The following GRID2 variants were observed in gnomAD, a reference collection of about 807,000 sequenced individuals.
GRID2 encodes the protein glutamate receptor ionotropic, delta-2.
In GRID2, 33 loss-of-function variants were observed where a neutral mutation model predicts 114.8. The observed-to-expected ratio is 0.29, with a 90% CI of 0.22 to 0.38. The LOEUF is 0.38. Ranked by LOEUF, GRID2 falls within the 10% of genes least tolerant of loss-of-function variation. GRID2 has a pLI of 1.00. For missense variants in GRID2, 1,184 were observed against 1,257.7 expected (o/e 0.94, Z 0.89); for synonymous variants, 505 against 449.9 (o/e 1.12, Z -1.55).
intron 2 of GRID2, among the ~76,000 whole-genome samples, chr4:92,817,051 C>G (rs769593558): frequency 1.3e-5 from 2 of 152,116 alleles, no homozygotes; most frequent in African/African-American, 2.4e-5. Context: ...ATGACCTTCA[C>G]CTAGTTACAC....
chr4:92,502,740 C>G (rs929124901), intron 1 of GRID2, among the ~76,000 whole-genome samples: 1 of 102,226 alleles, frequency 9.8e-6, no homozygotes, highest in Non-Finnish European at 1.8e-5. Flanking sequence ...TTTTCCTATA[C>G]GAAGTCTTGC....
intron 2 of GRID2, among the ~76,000 whole-genome samples, chr4:92,879,641 A>G (rs1745864827): frequency 6.6e-6 from 1 of 152,246 alleles, no homozygotes; most frequent in African/African-American, 2.4e-5. Flanking sequence ...CTTACTATTT[A>G]AAACAAAGAG....
intron 2 of GRID2, among the ~76,000 whole-genome samples, chr4:92,633,366 C>G (rs1730904663): frequency 6.6e-6 from 1 of 151,986 alleles, no homozygotes; most frequent in Admixed American, 6.6e-5. Flanking sequence ...TCTAAAAGAG[C>G]AAATGGTGCA....
intron 2 of GRID2, among the ~76,000 whole-genome samples, chr4:93,029,539 C>T (rs553971958): frequency 6.6e-6 from 1 of 152,048 alleles, no homozygotes; most frequent in Admixed American, 6.6e-5. Context: ...TCCTCTGTAG[C>T]TATAAATGAT....
intron 1 of GRID2, among the ~76,000 whole-genome samples, chr4:92,401,322 G>A (rs935982222): frequency 5.9e-5 from 9 of 152,082 alleles, no homozygotes; most frequent in Non-Finnish European, 1.2e-4. Flanking sequence ...TGTTTATATA[G>A]TAATTTCAAC....
intron 8 of GRID2, 131 bp downstream of exon 8, chr4:93,238,621 G>T (rs1747096744): frequency 3.4e-6 from 2 of 583,382 alleles, no homozygotes; most frequent in Non-Finnish European, 5.7e-6. Flanking sequence ...AGGGGGTGAG[G>T]GGAAATTAGG....
intron 2 of GRID2, among the ~76,000 whole-genome samples, chr4:93,007,652 T>G (rs2149225933): frequency 6.6e-6 from 1 of 152,236 alleles, no homozygotes; most frequent in Admixed American, 6.6e-5. Flanking sequence ...ATATATTTAA[T>G]CGTAGATCCC....
At chr4:92,400,956 A>G (rs1209373468) in intron 1 of GRID2, among the ~76,000 whole-genome samples, 2 of 152,134 alleles carry the variant, frequency 1.3e-5, no homozygotes, top group Non-Finnish European at 2.9e-5. Context: ...TTTATCGTTA[A>G]CATGTAAGAG....
intron 4 of GRID2, among the ~76,000 whole-genome samples, chr4:93,201,735 G>A (rs1410278468): frequency 3.3e-5 from 5 of 152,168 alleles, no homozygotes; most frequent in African/African-American, 1.2e-4. Flanking sequence ...ACAAGCTCGG[G>A]CAGGGTTGTT....
chr4:92,607,251 T>A (rs1446197075), intron 2 of GRID2, among the ~76,000 whole-genome samples: 1 of 151,978 alleles, frequency 6.6e-6, no homozygotes, highest in Non-Finnish European at 1.5e-5. Flanking sequence ...ATTTAAATAA[T>A]ATGACAAATG....
chr4:92,790,355 A>G (rs1739523052), intron 2 of GRID2, among the ~76,000 whole-genome samples: 1 of 151,826 alleles, frequency 6.6e-6, no homozygotes, highest in South Asian at 2.1e-4. Flanking sequence ...TTCTCAATAA[A>G]TGGCAACTAA....
chr4:92,626,297 A>C (rs1730518338), intron 2 of GRID2, among the ~76,000 whole-genome samples: 1 of 151,976 alleles, frequency 6.6e-6, no homozygotes, highest in Non-Finnish European at 1.5e-5. Context: ...ATCATTAAGT[A>C]TAATATTGTT....
chr4:93,401,955 G>C (rs1412866428), intron 9 of GRID2, among the ~76,000 whole-genome samples: 1 of 148,704 alleles, frequency 6.7e-6, no homozygotes, highest in Non-Finnish European at 1.5e-5. Context: ...GATTGTGACT[G>C]ATATATGGGC....
chr4:92,844,314 G>A (rs1743132207), intron 2 of GRID2, among the ~76,000 whole-genome samples: 1 of 151,926 alleles, frequency 6.6e-6, no homozygotes, highest in African/African-American at 2.4e-5. Context: ...CAAGACGGGT[G>A]GATTATTGGA....
At position 92,821,455 on chromosome 4, in the gene GRID2, CTGTT is replaced by C. The variant is rs201556013; in HGVS notation, c.244+231175_244+231178del. 9.5e-3 allele frequency among the ~76,000 whole-genome samples: 1,436 copies of C among 151,904 alleles called. 27 individuals are homozygous for C. Among genetic ancestry groups the C allele is most frequent in the African/African-American group, 0.029 (1,201 of 41,438 alleles). ...AGAATTTGTTACAGTATTTTTGTAG[CTGTT>C]TGTTTTTTTTAAGTTTCTCAAAAGT... On this transcript the variant is annotated intron_variant, in intron 2 of 15. Coordinates refer to ENST00000282020, the MANE Select transcript of GRID2 (RefSeq NM_001510.4).
chr4:93,090,354 C>A (rs1417076745), intron 3 of GRID2, among the ~76,000 whole-genome samples: 2 of 152,170 alleles, frequency 1.3e-5, no homozygotes, highest in East Asian at 3.9e-4. Context: ...AACCTTTCCA[C>A]TTGGCGAGAA....
At chr4:93,602,001 GTCA>G (rs1739731782) in intron 13 of GRID2, among the ~76,000 whole-genome samples, 2 of 152,220 alleles carry the variant, frequency 1.3e-5, no homozygotes, top group South Asian at 4.1e-4. Context: ...ACCTTAAAAT[GTCA>G]TCATGTTTTC....
At chr4:92,958,551 C>G (rs941171050) in intron 2 of GRID2, among the ~76,000 whole-genome samples, 3 of 151,970 alleles carry the variant, frequency 2.0e-5, no homozygotes, top group Non-Finnish European at 4.4e-5. Context: ...TCTTTTTATA[C>G]ATTGTTGGAT....
At chr4:93,042,641 ATTTCTATCTC>A (rs1439409267) in intron 2 of GRID2, among the ~76,000 whole-genome samples, 8 of 144,592 alleles carry the variant, frequency 5.5e-5, no homozygotes, top group Non-Finnish European at 1.1e-4. Context: ...ATATATATAT[ATTTCTATCTC>A]TATATTTCTA....
Sources: allele counts gnomAD v4.1 joint callset (sites outside exome capture counted in the v4.1 genomes callset), GRCh38; gene constraint gnomAD v4.1.1; transcripts MANE v1.5; gene names NCBI Gene and HGNC (gene_info 2026-07-23, HGNC 2026-07-21).